The following A1CF variants were observed in gnomAD, a reference collection of about 807,000 sequenced individuals.
A1CF encodes APOBEC1 complementation factor, also known as APOBEC-1 stimulating protein.
In A1CF, 48 loss-of-function variants were observed where a neutral mutation model predicts 68.9. The observed-to-expected ratio is 0.70, with a 90% confidence interval of 0.55 to 0.89. A1CF has a LOEUF of 0.89. Ranked by LOEUF, A1CF falls within the 40% of genes least tolerant of loss-of-function variation. The probability of loss-of-function intolerance (pLI) is 0.00; values close to 1 mark genes in which losing one functional copy is unlikely to be tolerated. For synonymous variants in A1CF, 272 were observed against 260.4 expected, an observed-to-expected ratio of 1.04 and a Z score of -0.43; for missense variants, 653 against 718.9, an observed-to-expected ratio of 0.91 and a Z score of 1.05.
At chr10:50,850,219 T>C (rs1406276955) in intron 3 of A1CF, among the ~76,000 whole-genome samples, 4 of 152,238 alleles carry the variant, frequency 2.6e-5, no homozygotes, top group Non-Finnish European at 5.9e-5. Flanking sequence ...TGTTTCACTT[T>C]GGAAGATTGA....
At chr10:50,884,459 A>T (rs143061905) in intron 1 of A1CF, among the ~76,000 whole-genome samples, 136 of 152,328 alleles carry the variant, frequency 8.9e-4, no homozygotes, top group African/African-American at 3.0e-3. Flanking sequence ...GCAAAACCTT[A>T]CTGCTTTGAC....
chr10:50,818,864 T>G (rs1478164781), intron 8 of A1CF, among the ~76,000 whole-genome samples: 1 of 152,078 alleles, frequency 6.6e-6, no homozygotes, highest in African/African-American at 2.4e-5. Flanking sequence ...TAAGAGATCC[T>G]CCCTTTGCCA....
chr10:50,829,747 A>G (rs540479254), intron 6 of A1CF, among the ~76,000 whole-genome samples: 1 of 152,244 alleles, frequency 6.6e-6, no homozygotes, highest in South Asian at 2.1e-4. Flanking sequence ...AGGCTCCCAC[A>G]TAATTCTGGC....
chr10:50,820,492 T>A, intron 8 of A1CF, 60 bp downstream of exon 8: 1 of 1,459,070 alleles, frequency 6.9e-7, no homozygotes. Flanking sequence ...TGCTTTTGGA[T>A]GTAATATCCA....
chr10:50,850,858 G>T, intron 3 of A1CF: 1 of 1,544,026 alleles, frequency 6.5e-7, no homozygotes. Flanking sequence ...AATCCGTTTG[G>T]AGCTTTTATC....
chr10:50,842,003 T>C lies in A1CF; in HGVS notation c.235-11A>G, dbSNP rs746286130. The C allele has an allele frequency of 4.4e-6, 7 of 1,599,932 alleles. No homozygotes were observed. The African/African-American group carries it at 8.1e-5, about 18-fold the overall frequency. On this transcript the variant is annotated splice_polypyrimidine_tract_variant and intron_variant, in intron 4 of 12. Coordinates refer to ENST00000373997, the MANE Select transcript of A1CF (RefSeq NM_014576.4). ...ATAAATTTTACCGATCTGCAAGTAA[T>C]AGAAATAGAACATTTATATTTATAC...
In A1CF at chr10:50,868,263, G is replaced by T. The variant is rs376989019; in HGVS notation, c.-93-4183C>A. Among the ~76,000 whole-genome samples, 8 of 152,308 alleles carry T rather than the reference G, an allele frequency of 5.3e-5. No individual in the cohort carries two copies. The East Asian group carries it at 9.7e-4, about 18-fold the overall frequency. On this transcript the variant is annotated intron_variant, in intron 1 of 12. Coordinates refer to ENST00000373997, the MANE Select transcript of A1CF (RefSeq NM_014576.4). ...ATTCTAGATAGTACTGAAATGGTTG[G>T]TGAAGGATTTATGACTGAAGTCTAT...
intron 11 of A1CF, 120 bp from the exon 12 acceptor site, chr10:50,810,162 T>C: frequency 8.7e-7 from 1 of 1,148,204 alleles, no homozygotes; most frequent in Non-Finnish European, 1.2e-6. Context: ...GTGGGTGTTT[T>C]TCATTCTGTT....
rs1378310254 is a variant in A1CF at position 50,806,811 on chromosome 10, T to C, written c.1679A>G (p.Gln560Arg). The change falls in exon 13 of 13, where the codon CAA becomes CGA. Residue 560 changes from glutamine (Q) to arginine (R), a missense_variant. Physicochemically the swap from Gln to Arg is conservative, Grantham distance 43. Transcript: ENST00000373997. ...ATAGGTTGTATATGCTGCTAAGTCT[T>C]GTCCAAGGGTTACCGCTTGCTTGAG... ...AQLKQAVTLG[Q>R]DLAAYTTYEV... 6.2e-7 allele frequency: 1 copy of C among 1,613,594 alleles called. No individual in the cohort carries two copies. The highest frequency in any genetic ancestry group is 2.2e-5 in the East Asian group (1 of 44,854).
intron 6 of A1CF, among the ~76,000 whole-genome samples, chr10:50,830,473 G>A (rs891341265): frequency 6.6e-6 from 1 of 151,912 alleles, no homozygotes; most frequent in African/African-American, 2.4e-5. Context: ...CTAACAACAA[G>A]AAATCAAGAA....
chr10:50,863,450 G>C (rs565460616), intron 2 of A1CF, among the ~76,000 whole-genome samples: 1 of 152,266 alleles, frequency 6.6e-6, no homozygotes, highest in South Asian at 2.1e-4. Context: ...AAAACAAATA[G>C]AGCAGGCATT....
At chr10:50,835,217 T>C (rs1839432464) in intron 6 of A1CF, among the ~76,000 whole-genome samples, 1 of 152,092 alleles carries the variant, frequency 6.6e-6, no homozygotes, top group East Asian at 1.9e-4. Flanking sequence ...GTCTCCTAGT[T>C]TTGAAGATAT....
At chr10:50,841,131 T>G (rs1839755309) in intron 5 of A1CF, among the ~76,000 whole-genome samples, 1 of 152,192 alleles carries the variant, frequency 6.6e-6, no homozygotes, top group Admixed American at 6.5e-5. Flanking sequence ...TAAAAAACTA[T>G]AAATGTAATC....
At chr10:50,815,685 A>G (rs1456938717) in intron 9 of A1CF, among the ~76,000 whole-genome samples, 3 of 152,208 alleles carry the variant, frequency 2.0e-5, no homozygotes, top group African/African-American at 4.8e-5. Context: ...ATGACTACAC[A>G]GTGGTGGACA....
At chr10:50,866,283 A>T (rs1016409869) in intron 1 of A1CF, among the ~76,000 whole-genome samples, 4 of 152,234 alleles carry the variant, frequency 2.6e-5, no homozygotes, top group African/African-American at 9.6e-5. Context: ...ATTTGTATAC[A>T]CTTTTCTATC....
At position 50,836,177 on chromosome 10, in the gene A1CF, G is replaced by A. The variant is rs1317175483; in HGVS notation, c.501C>T (p.Ile167=). The part of the protein sequence containing the change: ...KKVTEGVVDV[I]VYPSAADKTK... ...TTTTATCTGCAGCGCTTGGGTAGAC[G>A]ATGACATCGACAACACCTTCAGTAA... The change falls in exon 6 of 13, where the codon ATC becomes ATT. Residue 167 remains isoleucine, a synonymous_variant. Transcript: ENST00000373997. 15 of 1,613,836 alleles carry A rather than the reference G, an allele frequency of 9.3e-6. 1 individual carries two copies. The highest frequency in any genetic ancestry group is 8.3e-5 in the Admixed American group (5 of 59,982).
intron 1 of A1CF, among the ~76,000 whole-genome samples, chr10:50,882,247 C>A (rs1015431608): frequency 2.0e-5 from 3 of 151,896 alleles, no homozygotes; most frequent in Non-Finnish European, 4.4e-5. Flanking sequence ...ACCAGCCTAG[C>A]CAACATAATG....
chr10:50,825,665 A>G lies in A1CF; in HGVS notation c.769+2466T>C, dbSNP rs1380777606. ...CCTCTCTCAGTGTTGTAGCTCCTAT[A>G]TGGAGAAGAAAGAGATGGGGAGTCA... On this transcript the variant is annotated intron_variant, in intron 7 of 12. Coordinates refer to ENST00000373997, the MANE Select transcript of A1CF (RefSeq NM_014576.4). Among the ~76,000 whole-genome samples, 5 of 152,266 alleles carry G rather than the reference A, an allele frequency of 3.3e-5. No individual in the cohort carries two copies. In the South Asian group the frequency reaches 8.3e-4, roughly 25 times the overall value.
At chr10:50,836,436 T>G (rs2132430026) in intron 5 of A1CF, 124 bp from the exon 6 acceptor site, 1 of 1,032,572 alleles carries the variant, frequency 9.7e-7, no homozygotes, top group Non-Finnish European at 1.4e-6. Context: ...GTTGAAACCA[T>G]TTTTGGAGAG....
Sources: gnomAD v4.1 joint callset for allele counts (sites outside exome capture counted in the v4.1 genomes callset) on GRCh38, gnomAD v4.1.1 for gene constraint, MANE v1.5 for transcripts, NCBI Gene and HGNC (gene_info 2026-07-23, HGNC 2026-07-21) for gene names.